The following ASIC2 variants were observed in gnomAD, a reference collection of about 807,000 sequenced individuals.
ASIC2 encodes the protein acid-sensing ion channel 2.
In ASIC2, 25 loss-of-function variants were observed where a neutral mutation model predicts 57.3. That is an observed-to-expected ratio of 0.44 (90% CI 0.32 to 0.61). The LOEUF (loss-of-function observed/expected upper bound fraction) is 0.61, where lower values mean the gene tolerates loss of function less well. Ranked by LOEUF, ASIC2 falls within the 20% of genes least tolerant of loss-of-function variation. ASIC2 has a pLI of 0.06. For missense variants in ASIC2, 641 were observed against 738.1 expected, an observed-to-expected ratio of 0.87 and a Z score of 1.52; for synonymous variants, 319 against 307.5, an observed-to-expected ratio of 1.04 and a Z score of -0.39.
chr17:33,878,286 G>T (rs1424391894), intron 1 of ASIC2, among the ~76,000 whole-genome samples: 1 of 152,186 alleles, frequency 6.6e-6, no homozygotes, highest in African/African-American at 2.4e-5. Context: ...GAGAGAAGAA[G>T]GCTTCAGATG....
intron 1 of ASIC2, among the ~76,000 whole-genome samples, chr17:33,510,109 C>T (rs1914387011): frequency 6.6e-6 from 1 of 152,126 alleles, no homozygotes; most frequent in African/African-American, 2.4e-5. Flanking sequence ...GCCTGTAACT[C>T]ACTGTGTGAC....
chr17:33,949,531 TGGATGTCTATG>T (rs1295932999), intron 1 of ASIC2, among the ~76,000 whole-genome samples: 1 of 152,226 alleles, frequency 6.6e-6, no homozygotes, highest in African/African-American at 2.4e-5. Flanking sequence ...TATGCTGCTT[TGGATGTCTATG>T]ATTTCTTATT....
intron 1 of ASIC2, among the ~76,000 whole-genome samples, chr17:33,144,157 C>CAA (rs58279499): frequency 7.7e-5 from 11 of 141,976 alleles, no homozygotes; most frequent in African/African-American, 2.9e-4. Flanking sequence ...AACAAACAAA[C>CAA]AAAAAAAAAA....
intron 2 of ASIC2, among the ~76,000 whole-genome samples, chr17:33,110,804 T>A (rs900640493): frequency 1.3e-5 from 2 of 152,058 alleles, no homozygotes; most frequent in South Asian, 4.1e-4. Flanking sequence ...GCTGGGCTAC[T>A]GGGGCTCCAC....
chr17:33,614,985 A>G (rs1478809594), intron 1 of ASIC2, among the ~76,000 whole-genome samples: 4 of 152,266 alleles, frequency 2.6e-5, no homozygotes. Flanking sequence ...CTGTCAATGC[A>G]TTAATTACAA....
In ASIC2 at chr17:33,610,054, G is replaced by GCGCGCACACA. The variant is rs375575593; in HGVS notation, c.556-497988_556-497987insTGTGTGCGCG. Among the ~76,000 whole-genome samples, 786 of 144,836 alleles carry GCGCGCACACA rather than the reference G, an allele frequency of 5.4e-3. 8 individuals carry two copies. The highest frequency in any genetic ancestry group is 0.019 in the African/African-American group (714 of 38,428). On this transcript the variant is annotated intron_variant, in intron 1 of 9. Coordinates refer to the ASIC2 transcript ENST00000359872. The stretch of plus-strand genomic sequence containing the variant: ...CTTCACTGGGACCCTGGACAGAGGC[G>GCGCGCACACA]CACACACACACACACACACACACAC...
At chr17:33,055,131 T>C (rs747037038) in intron 3 of ASIC2, among the ~76,000 whole-genome samples, 1 of 152,204 alleles carries the variant, frequency 6.6e-6, no homozygotes, top group Admixed American at 6.5e-5. Flanking sequence ...TGGAGTTACA[T>C]TCATAGGTTT....
chr17:33,357,578 T>TA (rs1352406813), intron 1 of ASIC2, among the ~76,000 whole-genome samples: 2 of 152,162 alleles, frequency 1.3e-5, no homozygotes, highest in Non-Finnish European at 2.9e-5. Flanking sequence ...AAGGACGTGT[T>TA]ACCAATCTCT....
chr17:33,023,888 T>A lies in ASIC2; in HGVS notation c.1322A>T (p.Lys441Ile), dbSNP rs750506339. ...GATATATTTTTCTGATTTGTTAAAT[T>A]TCTTCTCAAGGTACTTGGCTGATGT... is the stretch of plus-strand genomic sequence containing the variant. Reference protein sequence around the residue: ...SKTSAKYLEKKFNKSEKYISE... With the variant: ...SKTSAKYLEKIFNKSEKYISE... The change falls in exon 6 of 10, where the codon AAA becomes ATA. Residue 441 changes from lysine (K) to isoleucine (I), a missense_variant. This residue lies in a region of ASIC2 where 252 missense variants were observed against 319.8 expected (regional missense o/e 0.79). Coordinates refer to ENST00000225823, the MANE Select transcript of ASIC2 (RefSeq NM_183377.2). 3.7e-6 allele frequency: 6 copies of A among 1,614,236 alleles called. No individual in the cohort carries two copies. Among genetic ancestry groups the A allele is most frequent in the Non-Finnish European group, 5.1e-6 (6 of 1,180,046 alleles).
intron 1 of ASIC2, among the ~76,000 whole-genome samples, chr17:33,218,020 G>T (rs777854585): frequency 3.3e-5 from 5 of 152,204 alleles, no homozygotes; most frequent in Admixed American, 1.3e-4. Context: ...TGATATTTCT[G>T]TATAGTAGTA....
At chr17:33,579,234 C>G (rs1916776134) in intron 1 of ASIC2, among the ~76,000 whole-genome samples, 1 of 138,056 alleles carries the variant, frequency 7.2e-6, no homozygotes, top group Non-Finnish European at 1.5e-5. Context: ...TGCAGTGAGC[C>G]AAAATCACAC....
intron 1 of ASIC2, among the ~76,000 whole-genome samples, chr17:34,074,618 T>C (rs1179735934): frequency 6.6e-6 from 1 of 152,056 alleles, no homozygotes; most frequent in African/African-American, 2.4e-5. Flanking sequence ...GTCCAAACCC[T>C]GCGAGTAGGT....
intron 1 of ASIC2, among the ~76,000 whole-genome samples, chr17:33,358,646 C>G (rs1411399208): frequency 6.6e-6 from 1 of 152,188 alleles, no homozygotes; most frequent in Admixed American, 6.5e-5. Context: ...AATCACTAAT[C>G]TCTAATTACT....
chr17:33,400,310 A>C (rs181757414), intron 1 of ASIC2, among the ~76,000 whole-genome samples: 2 of 152,336 alleles, frequency 1.3e-5, no homozygotes, highest in Admixed American at 6.5e-5. Context: ...AGCAGTGCTC[A>C]GGGAATCTGT....
At chr17:33,965,062 A>G (rs1465983277) in intron 1 of ASIC2, among the ~76,000 whole-genome samples, 1 of 152,182 alleles carries the variant, frequency 6.6e-6, no homozygotes, top group African/African-American at 2.4e-5. Context: ...TTTAAAATCC[A>G]TTTAGTGGCC....
At chr17:33,209,930 C>A (rs897010609) in intron 1 of ASIC2, among the ~76,000 whole-genome samples, 17 of 152,154 alleles carry the variant, frequency 1.1e-4, no homozygotes, top group Non-Finnish European at 1.6e-4. Context: ...TAAACTATGT[C>A]CAAATAGGGA....
In ASIC2 at chr17:33,021,430, G is replaced by A. The variant is rs377676530; in HGVS notation, c.1350-120C>T. 3.7e-4 allele frequency: 302 copies of A among 823,628 alleles called. 3 individuals are homozygous for A. In the African/African-American group the frequency reaches 4.6e-3, roughly 13 times the overall value. The allele number at this position is 823,628 out of a possible 1,614,324, so 51.0% of individuals were successfully genotyped here. A position where few individuals can be genotyped will look rare whatever the true frequency, so the allele number is the denominator to read the frequency against. ...GGAGGCCCAGGAAGTGAGGCAGCTT[G>A]CCCAAAGTTAGAGCTGGTTAGTGGC... On this transcript the variant is annotated intron_variant, in intron 6 of 9. Transcript: ENST00000225823.
intron 1 of ASIC2, among the ~76,000 whole-genome samples, chr17:33,640,698 T>A (rs1435159690): frequency 6.6e-6 from 1 of 152,226 alleles, no homozygotes; most frequent in Non-Finnish European, 1.5e-5. Context: ...TCAATGTTAG[T>A]TATTTAGGAA....
chr17:33,432,815 C>G (rs898479359), intron 1 of ASIC2, among the ~76,000 whole-genome samples: 1 of 152,186 alleles, frequency 6.6e-6, no homozygotes, highest in Non-Finnish European at 1.5e-5. Context: ...CTCAACATCT[C>G]TGACCATCAG....
Sources: allele counts gnomAD v4.1 joint callset (sites outside exome capture counted in the v4.1 genomes callset), GRCh38; gene constraint gnomAD v4.1.1; regional missense constraint gnomAD v4.1.1; transcripts MANE v1.5; gene names NCBI Gene and HGNC (gene_info 2026-07-23, HGNC 2026-07-21).